The following GSN variants were observed in gnomAD, a reference collection of about 807,000 sequenced individuals.
The protein encoded by GSN is actin-depolymerizing factor.
A neutral mutation model predicts 85.7 loss-of-function variants in GSN; 56 were observed. The observed-to-expected ratio is 0.65, with a 90% CI of 0.53 to 0.82. The LOEUF (loss-of-function observed/expected upper bound fraction) is 0.82, where lower values mean the gene tolerates loss of function less well. Ranked by LOEUF, GSN falls within the 40% of genes least tolerant of loss-of-function variation. The probability of loss-of-function intolerance (pLI) is 0.00; values close to 1 mark genes in which losing one functional copy is unlikely to be tolerated. For synonymous variants in GSN, 373 were observed against 399.1 expected, an observed-to-expected ratio of 0.93 and a Z score of 0.78; for missense variants, 857 against 979.8, an observed-to-expected ratio of 0.87 and a Z score of 1.67.
At chr9:121,330,510 G>T (rs191137002) in intron 16 of GSN, among the ~76,000 whole-genome samples, 433 of 152,322 alleles carry the variant, frequency 2.8e-3, no homozygotes, top group Non-Finnish European at 4.5e-3. Flanking sequence ...AGGAGGCGGA[G>T]GTTGCAGTGA....
intron 2 of GSN, among the ~76,000 whole-genome samples, chr9:121,288,240 C>T (rs2058348272): frequency 6.6e-6 from 1 of 152,158 alleles, no homozygotes; most frequent in Non-Finnish European, 1.5e-5. Context: ...CTTTCTGTCT[C>T]TCCGAAGATC....
intron 6 of GSN, among the ~76,000 whole-genome samples, chr9:121,256,497 A>G (rs756296670): frequency 6.6e-6 from 1 of 152,112 alleles, no homozygotes; most frequent in Non-Finnish European, 1.5e-5. Context: ...AGGATGTAGA[A>G]AGTAGAATTG....
chr9:121,286,095 A>C, intron 2 of GSN: 1 of 1,534,844 alleles, frequency 6.5e-7, no homozygotes, highest in South Asian at 1.2e-5. Context: ...TGAGATGATT[A>C]GGTTGGCCTG....
chr9:121,218,499 A>G (rs899806473), intron 4 of GSN, among the ~76,000 whole-genome samples: 2 of 152,142 alleles, frequency 1.3e-5, no homozygotes, highest in African/African-American at 4.8e-5. Context: ...ACCAGGCATC[A>G]TGACGTGTAC....
Position 121,299,788 on chromosome 9 carries a change from TG to T in GSN, c.-9-2172del. 1 of 1,237,192 alleles carries T rather than the reference TG, an allele frequency of 8.1e-7. No individual in the cohort carries two copies. The highest frequency in any genetic ancestry group is 4.0e-5 in the East Asian group (1 of 25,250). 76.6% of individuals were successfully genotyped at this position (1,237,192 alleles called of 1,614,324 possible). A position where few individuals can be genotyped will look rare whatever the true frequency, so the allele number is the denominator to read the frequency against. ...GGGGCGGTCCCCGGCTTGGGCGGGA[TG>T]GGCGGGCGGCTACTTAAGGTCGGCG... On this transcript the variant is annotated intron_variant, in intron 2 of 17. Coordinates refer to ENST00000432226, the MANE Select transcript of GSN (RefSeq NM_198252.3). This position sits in a 1 kb window ranked among gnomAD's most constrained non-coding sequence, Gnocchi z 4.2.
rs150353588 is a variant in GSN, at chr9:121,301,965, C to T, written c.-7C>T. On this transcript the variant is annotated splice_region_variant and 5_prime_UTR_variant, in exon 3 of 18. Transcript: ENST00000432226. ...GGCTCTGCCCTGTCTCATCCCAGCC[C>T]AACAGCATGGTGGTGGAACACCCCG... is the stretch of plus-strand genomic sequence containing the variant. The T allele has an allele frequency of 9.0e-5, 145 of 1,614,056 alleles. No homozygotes were observed. Among genetic ancestry groups the T allele is most frequent in the Non-Finnish European group, 1.1e-4 (135 of 1,180,014 alleles).
At chr9:121,300,227 C>A in intron 2 of GSN, 1 of 802,376 alleles carries the variant, frequency 1.2e-6, no homozygotes, top group South Asian at 1.4e-5. Context: ...TCACCTTGGC[C>A]GGATTTCTTT....
chr9:121,321,196 C>G, intron 10 of GSN, 72 bp from the exon 11 acceptor site: 1 of 1,538,952 alleles, frequency 6.5e-7, no homozygotes. Flanking sequence ...TACCACACTG[C>G]GGTTTCCTGG....
intron 3 of GSN, 112 bp downstream of exon 3, chr9:121,302,279 G>A (rs2059964175): frequency 2.5e-6 from 3 of 1,221,724 alleles, no homozygotes; most frequent in Non-Finnish European, 3.6e-6. Context: ...GTATGTGCTG[G>A]GCCCTTGACT....
chr9:121,326,491 G>T, intron 12 of GSN, 21 bp from the exon 13 acceptor site: 1 of 1,610,844 alleles, frequency 6.2e-7, no homozygotes. Context: ...TCCCTGACTT[G>T]CTCTCCTGTC....
chr9:121,278,236 T>G (rs528423967), intron 1 of GSN, among the ~76,000 whole-genome samples: 1 of 152,302 alleles, frequency 6.6e-6, no homozygotes, highest in African/African-American at 2.4e-5. Flanking sequence ...AGGACAAAGA[T>G]TGCTGCCTGG....
At chr9:121,239,117 G>T (rs11788238) in intron 5 of GSN, 4 of 356,000 alleles carry the variant, frequency 1.1e-5, no homozygotes, top group South Asian at 4.5e-5. Context: ...CCTTCTCCTC[G>T]ACCTGCATGT....
At chr9:121,320,820 G>A (rs557423126) in intron 10 of GSN, among the ~76,000 whole-genome samples, 33 of 152,262 alleles carry the variant, frequency 2.2e-4, no homozygotes, top group African/African-American at 4.8e-4. Flanking sequence ...GAGTAATCTC[G>A]TTTGAGCCTC....
intron 5 of GSN, among the ~76,000 whole-genome samples, chr9:121,245,888 G>GCACACCGC: frequency 6.6e-6 from 1 of 152,114 alleles, no homozygotes; most frequent in Non-Finnish European, 1.5e-5. Flanking sequence ...GAGTAGCTAG[G>GCACACCGC]ACTACAGATG....
At chr9:121,286,290 C>T in intron 2 of GSN, 1 of 718,594 alleles carries the variant, frequency 1.4e-6, no homozygotes, top group Non-Finnish European at 2.3e-6. Context: ...TCAACACCAG[C>T]CAGGCCCCCT....
At position 121,329,049 on chromosome 9, in the gene GSN, C is replaced by T. The variant is rs1042117972; in HGVS notation, c.1887+34C>T. The stretch of plus-strand genomic sequence containing the variant: ...CTGCGGAGGTCACACCTCTGCTTTC[C>T]CCTCGGGAGGCGAGTTCCACAGGAC... On this transcript the variant is annotated intron_variant, in intron 15 of 17. Transcript: ENST00000432226. The surrounding 1 kb of genome is among the most constrained non-coding windows in gnomAD (Gnocchi z 4.6). 1.2e-6 allele frequency: 2 copies of T among 1,611,122 alleles called. No homozygotes were observed. Among genetic ancestry groups the T allele is most frequent in the African/African-American group, 2.7e-5 (2 of 74,912 alleles).
intron 1 of GSN, chr9:121,279,715 A>C (rs954443740): frequency 2.0e-5 from 3 of 152,328 alleles, no homozygotes; most frequent in African/African-American, 7.2e-5. Context: ...CAGCACCACC[A>C]TGTGCATCTG....
chr9:121,258,662 C>T (rs2055018365), intron 6 of GSN, among the ~76,000 whole-genome samples: 1 of 151,958 alleles, frequency 6.6e-6, no homozygotes, highest in South Asian at 2.1e-4. Flanking sequence ...AAAGGCTACT[C>T]CAGTTATTGG....
chr9:121,332,285 G>A lies in GSN; in HGVS notation c.2027-149G>A. On this transcript the variant is annotated intron_variant, in intron 17 of 17. Coordinates refer to ENST00000432226, the MANE Select transcript of GSN (RefSeq NM_198252.3). The surrounding 1 kb of genome is among the most constrained non-coding windows in gnomAD (Gnocchi z 4.8). ...ACGTGGGTATCATGCCTTTAAAGGA[G>A]GATGGTGCCCAGGGCAGGGGGTGGG... 1 of 769,578 alleles carries A rather than the reference G, an allele frequency of 1.3e-6. No homozygotes were observed. The highest frequency in any genetic ancestry group is 2.5e-5 in the East Asian group (1 of 39,350). The allele number at this position is 769,578 out of a possible 1,614,324, so 47.7% of individuals were successfully genotyped here. A position where few individuals can be genotyped will look rare whatever the true frequency, so the allele number is the denominator to read the frequency against.
Sources: gnomAD v4.1 joint callset for allele counts (sites outside exome capture counted in the v4.1 genomes callset) on GRCh38, gnomAD v4.1.1 for gene constraint, Gnocchi (gnomAD v3.1) non-coding constraint, MANE v1.5 for transcripts, NCBI Gene and HGNC (gene_info 2026-07-23, HGNC 2026-07-21) for gene names.